Variants in MCTP1 observed in about 807,000 individuals in gnomAD.
MCTP1 encodes the protein multiple C2 and transmembrane domain containing 1.
A neutral mutation model predicts 120.6 loss-of-function variants in MCTP1; 69 were observed. The ratio of observed to expected loss-of-function variants is 0.57; its 90% CI spans 0.47 to 0.70. The LOEUF is 0.70. Ranked by LOEUF, MCTP1 falls within the 30% of genes least tolerant of loss-of-function variation. The probability of loss-of-function intolerance (pLI) is 0.00; values close to 1 mark genes in which losing one functional copy is unlikely to be tolerated. For synonymous variants in MCTP1, 529 were observed against 493.1 expected, an observed-to-expected ratio of 1.07 and a Z score of -0.96; for missense variants, 1,203 against 1,248.8, an observed-to-expected ratio of 0.96 and a Z score of 0.55.
At chr5:95,059,475 CT>C (rs1309589961) in intron 1 of MCTP1, among the ~76,000 whole-genome samples, 7 of 151,866 alleles carry the variant, frequency 4.6e-5, no homozygotes, top group African/African-American at 1.7e-4. Flanking sequence ...TGCTCACTAC[CT>C]AGGTAATGGG....
At chr5:95,168,463 T>C (rs1478389606) in intron 1 of MCTP1, among the ~76,000 whole-genome samples, 1 of 152,226 alleles carries the variant, frequency 6.6e-6, no homozygotes, top group Non-Finnish European at 1.5e-5. Context: ...GGGGATGGCA[T>C]TGAATCTATA....
chr5:95,283,549 G>C (rs1271944689), intron 1 of MCTP1, among the ~76,000 whole-genome samples: 1 of 152,176 alleles, frequency 6.6e-6, no homozygotes, highest in Non-Finnish European at 1.5e-5. Flanking sequence ...GATTTGGCTG[G>C]ACATCTCCTT....
intron 4 of MCTP1, among the ~76,000 whole-genome samples, chr5:94,941,753 C>T (rs921550526): frequency 3.3e-5 from 5 of 151,648 alleles, no homozygotes; most frequent in African/African-American, 1.2e-4. Flanking sequence ...AAATATAAGC[C>T]CATTATTAGG....
At chr5:94,998,603 C>G (rs529974905) in intron 2 of MCTP1, among the ~76,000 whole-genome samples, 1 of 152,164 alleles carries the variant, frequency 6.6e-6, no homozygotes, top group Non-Finnish European at 1.5e-5. Context: ...TTGCCAACAG[C>G]ACTGACTGGG....
chr5:94,947,449 T>A (rs898549688), intron 3 of MCTP1, among the ~76,000 whole-genome samples: 1 of 151,094 alleles, frequency 6.6e-6, no homozygotes, highest in African/African-American at 2.4e-5. Flanking sequence ...ATGATTGAAT[T>A]AGTAATAATA....
chr5:94,727,666 T>TA (rs1251624754), intron 19 of MCTP1, among the ~76,000 whole-genome samples: 4 of 152,186 alleles, frequency 2.6e-5, no homozygotes, highest in Non-Finnish European at 5.9e-5. Flanking sequence ...CAAATCAGGA[T>TA]AAAAGCAATG....
chr5:95,283,660 G>A (rs1364327724), intron 1 of MCTP1, among the ~76,000 whole-genome samples, 196 bp downstream of exon 1: 7 of 152,368 alleles, frequency 4.6e-5, no homozygotes, highest in African/African-American at 1.7e-4. Context: ...AGTAAAGTCC[G>A]GGTGCAAGTC....
At chr5:94,867,094 A>T in intron 17 of MCTP1, 1 of 593,824 alleles carries the variant, frequency 1.7e-6, no homozygotes, top group Non-Finnish European at 2.5e-6. Flanking sequence ...ATTTTTTCTC[A>T]TCAATGTAAA....
intron 2 of MCTP1, among the ~76,000 whole-genome samples, chr5:94,963,618 T>C (rs1824886664): frequency 1.3e-5 from 2 of 152,048 alleles, no homozygotes; most frequent in African/African-American, 4.8e-5. Context: ...TTTGGAAAAA[T>C]CTCTATTTTG....
chr5:94,986,577 T>C (rs1455855728), intron 2 of MCTP1, among the ~76,000 whole-genome samples: 2 of 152,180 alleles, frequency 1.3e-5, no homozygotes, highest in Admixed American at 6.5e-5. Flanking sequence ...TGGCACAATC[T>C]TGGCTCACCA....
intron 1 of MCTP1, among the ~76,000 whole-genome samples, chr5:95,093,811 C>T (rs1756026266): frequency 6.6e-6 from 1 of 152,122 alleles, no homozygotes; most frequent in African/African-American, 2.4e-5. Flanking sequence ...AAAAGTGAGG[C>T]TATGTGATTT....
At chr5:95,144,234 T>C (rs1030285090) in intron 1 of MCTP1, among the ~76,000 whole-genome samples, 9 of 152,224 alleles carry the variant, frequency 5.9e-5, no homozygotes, top group Admixed American at 1.3e-4. Flanking sequence ...TTCATGTCCT[T>C]TGCCCATTTT....
chr5:94,922,997 C>CAAAAAAAAAAAAAAAAAAAAAAAAAAAAG (rs202245253), intron 7 of MCTP1, among the ~76,000 whole-genome samples: 1 of 99,548 alleles, frequency 1.0e-5, no homozygotes, highest in Admixed American at 1.0e-4. Context: ...TAAAAAGCTG[C>CAAAAAAAAAAAAAAAAAAAAAAAAAAAAG]AAAAAAAAAA....
chr5:94,889,659 T>C (rs745775972), intron 11 of MCTP1, among the ~76,000 whole-genome samples: 3 of 152,016 alleles, frequency 2.0e-5, no homozygotes, highest in Non-Finnish European at 4.4e-5. Context: ...TTAGTATGTA[T>C]AGAATGGAAA....
intron 16 of MCTP1, among the ~76,000 whole-genome samples, chr5:94,868,972 A>G (rs1028244709): frequency 3.3e-4 from 50 of 151,806 alleles, no homozygotes; most frequent in African/African-American, 1.2e-3. Flanking sequence ...CTATCTATCT[A>G]TCTTCTATCT....
rs149793598 is a variant in MCTP1 at position 95,249,985 on chromosome 5, C to T, written c.720+33871G>A. ...GAACACATGGACACAGGGCGGGGAA[C>T]ATCACACACCAGGGCCTGTGGGAGA... is the stretch of plus-strand genomic sequence containing the variant. On this transcript the variant is annotated intron_variant, in intron 1 of 22. Coordinates refer to ENST00000515393, the MANE Select transcript of MCTP1 (RefSeq NM_024717.7). Among the ~76,000 whole-genome samples the T allele has an allele frequency of 7.2e-3, 1,101 of 152,190 alleles. 12 individuals are homozygous for T. The highest frequency in any genetic ancestry group is 0.03 in the South Asian group (145 of 4,798).
At chr5:94,712,703 A>G (rs544929622) in intron 20 of MCTP1, among the ~76,000 whole-genome samples, 4 of 151,982 alleles carry the variant, frequency 2.6e-5, no homozygotes, top group South Asian at 2.1e-4. Flanking sequence ...AGCATCTGCA[A>G]CTCACCAGGT....
At chr5:94,768,092 T>C (rs1014859848) in intron 19 of MCTP1, among the ~76,000 whole-genome samples, 1 of 152,080 alleles carries the variant, frequency 6.6e-6, no homozygotes, top group African/African-American at 2.4e-5. Flanking sequence ...AGCTCAGAAG[T>C]ATATCCATAT....
intron 6 of MCTP1, 29 bp from the exon 7 acceptor site, chr5:94,924,050 T>G: frequency 7.7e-7 from 1 of 1,299,194 alleles, no homozygotes; most frequent in Non-Finnish European, 1.0e-6. Flanking sequence ...TTAGCTACAT[T>G]TTGAGATGTT....
Sources: allele counts gnomAD v4.1 joint callset (sites outside exome capture counted in the v4.1 genomes callset), GRCh38; gene constraint gnomAD v4.1.1; transcripts MANE v1.5; gene names NCBI Gene and HGNC (gene_info 2026-07-23, HGNC 2026-07-21).